SUPT6H: variants seen among roughly 807,000 people sequenced by gnomAD.
The protein encoded by SUPT6H is transcription elongation factor SPT6.
SUPT6H carries 11 observed loss-of-function variants against 222.3 expected under a neutral mutation model. The ratio of observed to expected loss-of-function variants is 0.05; its 90% CI spans 0.03 to 0.08. SUPT6H has a LOEUF of 0.08. Among genes scored for constraint, SUPT6H ranks in the 10% least tolerant of loss-of-function variants. The pLI is 1.00. For synonymous variants in SUPT6H, 762 were observed against 801.2 expected (o/e 0.95, Z 0.83); for missense variants, 1,422 against 2,216.0 (o/e 0.64, Z 7.19).
At chr17:28,682,463 A>G (rs1157803007) in intron 13 of SUPT6H, among the ~76,000 whole-genome samples, 1 of 152,080 alleles carries the variant, frequency 6.6e-6, no homozygotes, top group East Asian at 1.9e-4. Flanking sequence ...CAAAAAATAC[A>G]GAAAAAATTA....
chr17:28,682,228 G>A, intron 13 of SUPT6H: 2 of 441,030 alleles, frequency 4.5e-6, no homozygotes, highest in Admixed American at 7.1e-5. Context: ...AGAGAGTCCA[G>A]TCTGTCTGTT....
intron 27 of SUPT6H, among the ~76,000 whole-genome samples, chr17:28,693,187 G>A (rs1052717506): frequency 2.0e-5 from 3 of 152,020 alleles, no homozygotes; most frequent in African/African-American, 7.2e-5. Flanking sequence ...ATGGCTAGGT[G>A]TGGTGGCTCA....
chr17:28,682,673 A>G (rs1353990579), intron 13 of SUPT6H, 54 bp from the exon 14 acceptor site: 2 of 1,585,394 alleles, frequency 1.3e-6, no homozygotes, highest in African/African-American at 2.7e-5. Flanking sequence ...CTGAAAGCCA[A>G]GAGGTTTATC....
At chr17:28,683,582 TC>T (rs753999954) in intron 16 of SUPT6H, 38 bp from the exon 17 acceptor site, 35 of 1,602,186 alleles carry the variant, frequency 2.2e-5, no homozygotes, top group Non-Finnish European at 2.9e-5. Context: ...TGTCACCTTT[TC>T]TCCATTCCTG....
In SUPT6H at chr17:28,674,466, G is replaced by C. The variant is rs537985082; in HGVS notation, c.268+25G>C. The C allele has an allele frequency of 7.0e-5, 113 of 1,614,200 alleles. No individual in the cohort carries two copies. In the Admixed American group the frequency reaches 9.2e-4, roughly 13 times the overall value. On this transcript the variant is annotated intron_variant, in intron 3 of 36. Coordinates refer to ENST00000314616, the MANE Select transcript of SUPT6H (RefSeq NM_003170.5). The stretch of plus-strand genomic sequence containing the variant: ...AGTGAGTAGTCTGTCGTTGGCTCAA[G>C]TGAGGCTTGGGTGGAGGTTGCAGTG...
intron 1 of SUPT6H, chr17:28,671,143 A>C (rs2030390241): frequency 6.6e-6 from 1 of 152,184 alleles, no homozygotes; most frequent in African/African-American, 2.4e-5. Context: ...ACAGAACTTA[A>C]GGCACCTTCA....
At position 28,700,020 on chromosome 17, in the gene SUPT6H, G is replaced by A. The variant is rs1024266730; in HGVS notation, c.4561+127G>A. On this transcript the variant is annotated intron_variant, in intron 33 of 36. Coordinates refer to ENST00000314616, the MANE Select transcript of SUPT6H (RefSeq NM_003170.5). Reference sequence around the variant, plus strand: ...TCACTGCAGCTGTCTTACTCCTCCTGCAGCCTCCCAGCACCAGGAAGGTTC... The same window carrying A: ...TCACTGCAGCTGTCTTACTCCTCCTACAGCCTCCCAGCACCAGGAAGGTTC... 5.8e-6 allele frequency: 8 copies of A among 1,389,750 alleles called. No homozygotes were observed. In the South Asian group the frequency reaches 9.5e-5, roughly 17 times the overall value. The allele number at this position is 1,389,750 out of a possible 1,614,324, so 86.1% of individuals were successfully genotyped here. A position where few individuals can be genotyped will look rare whatever the true frequency, so the allele number is the denominator to read the frequency against.
At chr17:28,667,150 G>A (rs1212673192) in intron 1 of SUPT6H, among the ~76,000 whole-genome samples, 1 of 150,632 alleles carries the variant, frequency 6.6e-6, no homozygotes, top group African/African-American at 2.4e-5. Flanking sequence ...CGGATCACAA[G>A]GTCAGGAGAT....
In SUPT6H at chr17:28,699,791, G is replaced by A. The variant is rs752456099; in HGVS notation, c.4459G>A (p.Val1487Ile). The change falls in exon 33 of 37, where the codon GTA becomes ATA. Residue 1487 changes from valine to isoleucine, a missense_variant. Transcript: ENST00000314616. ...CTTCTAAAATCCTAGGATAGAATATGTAACGGTGACTCCAGAGGGATTCCG... is the reference window on the plus strand; with the variant it reads ...CTTCTAAAATCCTAGGATAGAATATATAACGGTGACTCCAGAGGGATTCCG... ...QPRGKPRIEY[V>I]TVTPEGFRYR... 6.2e-7 allele frequency: 1 copy of A among 1,613,940 alleles called. No homozygotes were observed. Among genetic ancestry groups the A allele is most frequent in the African/African-American group, 1.3e-5 (1 of 74,920 alleles).
chr17:28,698,937 C>T (rs983602243), intron 32 of SUPT6H, among the ~76,000 whole-genome samples: 6 of 149,786 alleles, frequency 4.0e-5, no homozygotes, highest in Admixed American at 6.7e-5. Flanking sequence ...AACAGTTGAG[C>T]AAACTGGTGG....
intron 1 of SUPT6H, chr17:28,670,913 A>C (rs2030376264): frequency 6.5e-6 from 1 of 152,700 alleles, no homozygotes; most frequent in Admixed American, 6.5e-5. Context: ...AAAATGAACA[A>C]TTCTCTTCAA....
chr17:28,685,472 CATTATTATTATTATT>C lies in SUPT6H; in HGVS notation c.2487+533_2487+547del, dbSNP rs3076012. Among the ~76,000 whole-genome samples, 197 of 144,394 alleles carry C rather than the reference CATTATTATTATTATT, an allele frequency of 1.4e-3. 1 individual carries two copies. Among genetic ancestry groups the C allele is most frequent in the African/African-American group, 4.4e-3 (176 of 39,660 alleles). The allele number at this position is 144,394 out of a possible 152,430, so 94.7% of individuals were successfully genotyped here. A position where few individuals can be genotyped will look rare whatever the true frequency, so the allele number is the denominator to read the frequency against. On this transcript the variant is annotated intron_variant, in intron 19 of 36. Coordinates refer to ENST00000314616, the MANE Select transcript of SUPT6H (RefSeq NM_003170.5). ...ACTATTTTTTAAATTTTATTATTAT[CATTATTATTATTATT>C]ATTATTATTATTATTATTATTGAAA...
chr17:28,685,953 C>T (rs1186669435), intron 19 of SUPT6H, among the ~76,000 whole-genome samples: 1 of 152,240 alleles, frequency 6.6e-6, no homozygotes, highest in Non-Finnish European at 1.5e-5. Context: ...GGAAATCATA[C>T]TTAACCATGT....
intron 24 of SUPT6H, 179 bp from the exon 25 acceptor site, chr17:28,689,175 T>G: frequency 1.7e-6 from 1 of 600,896 alleles, no homozygotes; most frequent in Non-Finnish European, 2.9e-6. Context: ...ATCAATATAT[T>G]GTGGCCATCT....
chr17:28,689,250 G>A, intron 24 of SUPT6H, 104 bp from the exon 25 acceptor site: 3 of 1,008,938 alleles, frequency 3.0e-6, no homozygotes, highest in Non-Finnish European at 4.5e-6. Flanking sequence ...TCCATTGTAT[G>A]GAGGTGCCCT....
intron 1 of SUPT6H, chr17:28,670,080 ACTC>A (rs1388086887): frequency 6.6e-6 from 1 of 151,962 alleles, no homozygotes; most frequent in Non-Finnish European, 1.5e-5. Flanking sequence ...CCTCTGGAAA[ACTC>A]CACTCTATGC....
rs765061606 is a variant in SUPT6H, at chr17:28,683,258, A to G, written c.1879-10A>G. ...TCCGCAGGCTCATGATTCCCCCTTC[A>G]TGTGTGCAGGATGTGGATGAGGCCC... is the stretch of plus-strand genomic sequence containing the variant. On this transcript the variant is annotated splice_polypyrimidine_tract_variant and intron_variant, in intron 15 of 36. Coordinates refer to ENST00000314616, the MANE Select transcript of SUPT6H (RefSeq NM_003170.5). The G allele has an allele frequency of 1.9e-6, 3 of 1,613,380 alleles. No individual in the cohort carries two copies. Among genetic ancestry groups the G allele is most frequent in the Non-Finnish European group, 2.5e-6 (3 of 1,179,534 alleles).
Position 28,688,561 on chromosome 17 carries a change from A to G in SUPT6H, c.3134+343A>G, listed in dbSNP as rs1355258954. On this transcript the variant is annotated intron_variant, in intron 24 of 36. Coordinates refer to ENST00000314616, the MANE Select transcript of SUPT6H (RefSeq NM_003170.5). The surrounding 1 kb of genome is among the most constrained non-coding windows in gnomAD (Gnocchi z 4.3). Reference sequence around the variant, plus strand: ...GGTGGGAATAGCGGGGGCAATGAAAAAGGAGTTTGGGGGTATAAAGAGATA... The same window carrying G: ...GGTGGGAATAGCGGGGGCAATGAAAGAGGAGTTTGGGGGTATAAAGAGATA... The G allele has an allele frequency of 6.0e-6, 1 of 166,012 alleles. No homozygotes were observed. The highest frequency in any genetic ancestry group is 2.4e-5 in the African/African-American group (1 of 41,784). 10.3% of individuals were successfully genotyped at this position (166,012 alleles called of 1,614,324 possible).
intron 32 of SUPT6H, 87 bp from the exon 33 acceptor site, chr17:28,699,694 C>A: frequency 9.2e-7 from 1 of 1,092,820 alleles, no homozygotes; most frequent in Non-Finnish European, 1.4e-6. Context: ...CCCAGAATGG[C>A]TACTTCACAT....
Sources: allele counts gnomAD v4.1 joint callset (sites outside exome capture counted in the v4.1 genomes callset), GRCh38; gene constraint gnomAD v4.1.1; non-coding constraint Gnocchi (gnomAD v3.1); transcripts MANE v1.5; gene names NCBI Gene and HGNC (gene_info 2026-07-23, HGNC 2026-07-21).